SLC16A7: variants seen among roughly 807,000 people sequenced by gnomAD.
SLC16A7 encodes solute carrier family 16 member 7.
SLC16A7 carries 33 observed loss-of-function variants against 34.9 expected under a neutral mutation model. The ratio of observed to expected loss-of-function variants is 0.94; its 90% CI spans 0.72 to 1.26. The LOEUF (loss-of-function observed/expected upper bound fraction) is 1.26. SLC16A7 is among the 50% of genes most tolerant of loss of function. SLC16A7 has a pLI of 0.00. For synonymous variants in SLC16A7, 201 were observed against 206.6 expected, an observed-to-expected ratio of 0.97 and a Z score of 0.23; for missense variants, 573 against 578.1, an observed-to-expected ratio of 0.99 and a Z score of 0.09.
intron 2 of SLC16A7, among the ~76,000 whole-genome samples, chr12:59,681,206 T>C (rs1050628617): frequency 1.3e-5 from 2 of 152,220 alleles, no homozygotes; most frequent in Non-Finnish European, 2.9e-5. Flanking sequence ...GCATCAGTTC[T>C]TAATCACCTA....
At chr12:59,717,615 G>A (rs902841980) in intron 3 of SLC16A7, among the ~76,000 whole-genome samples, 1 of 152,136 alleles carries the variant, frequency 6.6e-6, no homozygotes, top group Admixed American at 6.5e-5. Context: ...GCCCCTTAGA[G>A]TTGGCTCCCA....
chr12:59,665,951 A>G (rs1206117392), intron 2 of SLC16A7, among the ~76,000 whole-genome samples: 2 of 152,102 alleles, frequency 1.3e-5, no homozygotes, highest in African/African-American at 4.8e-5. Flanking sequence ...AGATTCAAGT[A>G]AACATCAAAA....
intron 1 of SLC16A7, among the ~76,000 whole-genome samples, chr12:59,606,823 TGTGTGTGTAC>T (rs1878964620): frequency 1.3e-5 from 2 of 152,230 alleles, no homozygotes; most frequent in South Asian, 4.2e-4. Context: ...AGATATTGTG[TGTGTGTGTAC>T]GTGTGTGTAT....
intron 3 of SLC16A7, among the ~76,000 whole-genome samples, chr12:59,733,386 C>G (rs2711674): frequency 0.12 from 18,637 of 152,044 alleles, 1,486 homozygotes; most frequent in African/African-American, 0.22. Flanking sequence ...GTGGGCAGCT[C>G]CAGGCGCTGG....
intron 3 of SLC16A7, among the ~76,000 whole-genome samples, chr12:59,741,645 CA>C (rs1878359453): frequency 1.3e-5 from 2 of 152,132 alleles, no homozygotes; most frequent in South Asian, 4.1e-4. Flanking sequence ...TTTCAAGAAG[CA>C]AGGAAACATC....
At chr12:59,707,488 G>A (rs141244782) in intron 3 of SLC16A7, among the ~76,000 whole-genome samples, 189 of 151,806 alleles carry the variant, frequency 1.2e-3, no homozygotes, top group Admixed American at 3.9e-3. Context: ...ACAAATAAAT[G>A]TTTTTATTTT....
intron 3 of SLC16A7, among the ~76,000 whole-genome samples, chr12:59,740,387 C>A (rs2137280260): frequency 6.6e-6 from 1 of 152,220 alleles, no homozygotes; most frequent in East Asian, 1.9e-4. Flanking sequence ...GGGCTCTGTT[C>A]TGTTCCATTG....
Position 59,754,441 on chromosome 12 carries a change from C to T in SLC16A7, c.218-16778C>T, listed in dbSNP as rs1010687694. Among the ~76,000 whole-genome samples the T allele has an allele frequency of 5.1e-4, 77 of 152,288 alleles. 2 individuals are homozygous for T. The highest frequency in any genetic ancestry group is 1.8e-3 in the African/African-American group (75 of 41,570). On this transcript the variant is annotated intron_variant, in intron 3 of 5. Coordinates refer to ENST00000547379, the MANE Select transcript of SLC16A7 (RefSeq NM_001270623.2). ...AAAGGGGATATCACCACCAATCCCA[C>T]AGAAATACAAACTACCATCAGAGAA... is the stretch of plus-strand genomic sequence containing the variant.
chr12:59,639,578 G>T (rs542714200), intron 1 of SLC16A7, among the ~76,000 whole-genome samples: 3 of 151,998 alleles, frequency 2.0e-5, no homozygotes, highest in South Asian at 4.2e-4. Context: ...TAGGGACAGG[G>T]GTCTCCCGAT....
chr12:59,754,918 T>A (rs556805825), intron 3 of SLC16A7, among the ~76,000 whole-genome samples: 1 of 152,194 alleles, frequency 6.6e-6, no homozygotes, highest in Non-Finnish European at 1.5e-5. Flanking sequence ...CATGATCAAG[T>A]GGGCTTCATC....
At chr12:59,666,184 C>T (rs1869188451) in intron 2 of SLC16A7, among the ~76,000 whole-genome samples, 1 of 152,040 alleles carries the variant, frequency 6.6e-6, no homozygotes, top group Admixed American at 6.6e-5. Flanking sequence ...TGTTTACTTG[C>T]TGAAAAGTCG....
chr12:59,736,616 T>G (rs1592605793), intron 3 of SLC16A7, among the ~76,000 whole-genome samples: 2 of 152,280 alleles, frequency 1.3e-5, no homozygotes, highest in Middle Eastern at 3.4e-3. Context: ...AACAACAGAC[T>G]GGGCAGATGC....
intron 1 of SLC16A7, among the ~76,000 whole-genome samples, chr12:59,637,972 C>G (rs1267099808): frequency 2.0e-5 from 3 of 152,110 alleles, no homozygotes; most frequent in Admixed American, 2.0e-4. Flanking sequence ...GATGCCAGCA[C>G]CATGCTCTTG....
At chr12:59,672,473 G>C (rs1316899765) in intron 2 of SLC16A7, among the ~76,000 whole-genome samples, 1 of 151,820 alleles carries the variant, frequency 6.6e-6, no homozygotes, top group Non-Finnish European at 1.5e-5. Context: ...CTACCATGTA[G>C]AGCATGAACT....
At chr12:59,607,350 A>G (rs764644249) in intron 1 of SLC16A7, among the ~76,000 whole-genome samples, 1 of 152,178 alleles carries the variant, frequency 6.6e-6, no homozygotes, top group Non-Finnish European at 1.5e-5. Context: ...CAATAGATAA[A>G]TTAAAAGTCT....
chr12:59,734,752 T>C (rs1877388551), intron 3 of SLC16A7, among the ~76,000 whole-genome samples: 1 of 152,270 alleles, frequency 6.6e-6, no homozygotes, highest in Non-Finnish European at 1.5e-5. Flanking sequence ...GGGACTTTGA[T>C]GATATACATC....
chr12:59,633,013 G>A (rs1025181166), intron 1 of SLC16A7, among the ~76,000 whole-genome samples: 4 of 151,932 alleles, frequency 2.6e-5, no homozygotes, highest in Non-Finnish European at 5.9e-5. Context: ...TAATATACCC[G>A]ACTTCCAGGC....
Position 59,627,570 on chromosome 12 carries a change from G to A in SLC16A7, c.-129-27582G>A, listed in dbSNP as rs180995087. Among the ~76,000 whole-genome samples, 689 of 151,862 alleles carry A rather than the reference G, an allele frequency of 4.5e-3. 6 individuals are homozygous for A. Among genetic ancestry groups the A allele is most frequent in the South Asian group, 0.023 (110 of 4,824 alleles). Reference sequence around the variant, plus strand: ...TCCTTTTGCCCACAAAGCTTCAGAGGAAGACAAATGAAATGTGGAAATTTT... The same window carrying A: ...TCCTTTTGCCCACAAAGCTTCAGAGAAAGACAAATGAAATGTGGAAATTTT... On this transcript the variant is annotated intron_variant, in intron 1 of 5. Transcript: ENST00000547379.
chr12:59,673,922 C>T (rs573229753), intron 2 of SLC16A7, among the ~76,000 whole-genome samples: 16 of 152,218 alleles, frequency 1.1e-4, no homozygotes, highest in African/African-American at 3.1e-4. Context: ...TTCCTTGTCA[C>T]TTGATGAAAT....
Sources: gnomAD v4.1 joint callset for allele counts (sites outside exome capture counted in the v4.1 genomes callset) on GRCh38, gnomAD v4.1.1 for gene constraint, MANE v1.5 for transcripts, NCBI Gene and HGNC (gene_info 2026-07-23, HGNC 2026-07-21) for gene names.